Variants in KIRREL3 observed in about 807,000 individuals in gnomAD.
KIRREL3 encodes kin of IRRE-like protein 3.
In KIRREL3, 36 loss-of-function variants were observed where a neutral mutation model predicts 89.7. The observed-to-expected ratio is 0.40, with a 90% CI of 0.31 to 0.53. The LOEUF is 0.53. KIRREL3 is among the 20% of genes least tolerant of loss of function. The pLI is 0.49. For missense variants in KIRREL3, 864 were observed against 1,056.6 expected (o/e 0.82, Z 2.53); for synonymous variants, 445 against 441.4 (o/e 1.01, Z -0.10).
At chr11:126,798,233 A>C (rs1390296858) in intron 1 of KIRREL3, among the ~76,000 whole-genome samples, 2 of 146,858 alleles carry the variant, frequency 1.4e-5, no homozygotes, top group South Asian at 4.1e-4. Context: ...TCCCGGGTGC[A>C]CAGCTCCTTC....
In KIRREL3 at chr11:126,578,589, G is replaced by C. The variant is rs1207955096; in HGVS notation, c.56-15677C>G. On this transcript the variant is annotated intron_variant, in intron 1 of 16. Coordinates refer to ENST00000525144, the MANE Select transcript of KIRREL3 (RefSeq NM_032531.4). The surrounding 1 kb of genome is among the most constrained non-coding windows in gnomAD (Gnocchi z 4.9). ...ATCATGAATGTGTGACAGCATGTGG[G>C]GCACGTGGGTGAGCGTGTATGCATG... Among the ~76,000 whole-genome samples, 3 of 152,126 alleles carry C rather than the reference G, an allele frequency of 2.0e-5. No homozygotes were observed. The highest frequency in any genetic ancestry group is 4.8e-5 in the African/African-American group (2 of 41,414).
chr11:126,691,817 T>TA (rs1477656062), intron 1 of KIRREL3, among the ~76,000 whole-genome samples: 2 of 152,028 alleles, frequency 1.3e-5, no homozygotes, highest in African/African-American at 2.4e-5. Flanking sequence ...AATACAGCAA[T>TA]AAAAAATCAA....
rs1252070128 is a variant in KIRREL3, at chr11:126,564,901, C to A, written c.56-1989G>T. Among the ~76,000 whole-genome samples the A allele has an allele frequency of 6.6e-6, 1 of 152,228 alleles. No individual in the cohort carries two copies. Among genetic ancestry groups the A allele is most frequent in the African/African-American group, 2.4e-5 (1 of 41,454 alleles). On this transcript the variant is annotated intron_variant, in intron 1 of 16. Coordinates refer to ENST00000525144, the MANE Select transcript of KIRREL3 (RefSeq NM_032531.4). This position sits in a 1 kb window ranked among gnomAD's most constrained non-coding sequence, Gnocchi z 7.4. ...TGACGACAGGCAGAGTTAACCAGCC[C>A]ATTGTAATTGCACACGCATTGTTCA...
chr11:126,782,742 C>T lies in KIRREL3; in HGVS notation c.55+217713G>A, dbSNP rs1290898628. Reference sequence around the variant, plus strand: ...GACATCAGTATGAACTTATATTTAGCTTAATATAGATATAGATGTTATGTA... The same window carrying T: ...GACATCAGTATGAACTTATATTTAGTTTAATATAGATATAGATGTTATGTA... On this transcript the variant is annotated intron_variant, in intron 1 of 16. Transcript: ENST00000525144. This position sits in a 1 kb window ranked among gnomAD's most constrained non-coding sequence, Gnocchi z 4.1. 6.6e-6 allele frequency among the ~76,000 whole-genome samples: 1 copy of T among 152,028 alleles called. No homozygotes were observed. The highest frequency in any genetic ancestry group is 1.5e-5 in the Non-Finnish European group (1 of 68,022).
intron 1 of KIRREL3, among the ~76,000 whole-genome samples, chr11:126,818,681 T>C (rs1951666942): frequency 6.6e-6 from 1 of 151,962 alleles, no homozygotes. Flanking sequence ...ATTAGACTTA[T>C]CTGAAAGTTT....
rs1376529305 is a variant in KIRREL3 at position 126,486,549 on chromosome 11, G to T, written c.434-13083C>A. Reference sequence around the variant, plus strand: ...CTCCAGCTGGTTTCGACCTTAACCTGATTTGGGGTCTCTTTTGCTCAACAC... The same window carrying T: ...CTCCAGCTGGTTTCGACCTTAACCTTATTTGGGGTCTCTTTTGCTCAACAC... On this transcript the variant is annotated intron_variant, in intron 4 of 16. Transcript: ENST00000525144. This position sits in a 1 kb window ranked among gnomAD's most constrained non-coding sequence, Gnocchi z 6.2. 6.6e-6 allele frequency among the ~76,000 whole-genome samples: 1 copy of T among 152,250 alleles called. No individual in the cohort carries two copies. Among genetic ancestry groups the T allele is most frequent in the Non-Finnish European group, 1.5e-5 (1 of 68,040 alleles).
At position 126,703,373 on chromosome 11, in the gene KIRREL3, C is replaced by T. The variant is rs931478693; in HGVS notation, c.56-140461G>A. Among the ~76,000 whole-genome samples the T allele has an allele frequency of 5.3e-5, 8 of 152,240 alleles. No individual in the cohort carries two copies. Among genetic ancestry groups the T allele is most frequent in the Non-Finnish European group, 7.3e-5 (5 of 68,054 alleles). On this transcript the variant is annotated intron_variant, in intron 1 of 16. Transcript: ENST00000525144. This position sits in a 1 kb window ranked among gnomAD's most constrained non-coding sequence, Gnocchi z 4.6. ...ACTGGTGAGCAGCAAACAGAATCAT[C>T]GTCTTCATCACCATCAGCAGGAGCA...
At chr11:126,449,181 TGTG>T (rs766156678) in intron 7 of KIRREL3, 24 bp from the exon 8 acceptor site, 233 of 1,611,832 alleles carry the variant, frequency 1.4e-4, no homozygotes, top group Non-Finnish European at 1.8e-4. Context: ...CAGGGGCTGA[TGTG>T]GGCCTTGAGT....
rs1464821040 is a variant in KIRREL3 at position 126,557,502 on chromosome 11, G to C, written c.133+5333C>G. ...CATGATTCCATTTTGCACATGAGAA[G>C]GTTGAGATCTTAGTGTCTAGGGACT... On this transcript the variant is annotated intron_variant, in intron 2 of 16. Coordinates refer to ENST00000525144, the MANE Select transcript of KIRREL3 (RefSeq NM_032531.4). This position sits in a 1 kb window ranked among gnomAD's most constrained non-coding sequence, Gnocchi z 5.6. 2.0e-5 allele frequency among the ~76,000 whole-genome samples: 3 copies of C among 152,112 alleles called. No homozygotes were observed. The highest frequency in any genetic ancestry group is 4.4e-5 in the Non-Finnish European group (3 of 68,032).
chr11:126,581,335 T>C (rs1941540632), intron 1 of KIRREL3, among the ~76,000 whole-genome samples: 1 of 152,084 alleles, frequency 6.6e-6, no homozygotes, highest in African/African-American at 2.4e-5. Context: ...CCTGAGTAGC[T>C]GGGGTTACAG....
chr11:126,629,584 C>T (rs1384726648), intron 1 of KIRREL3, among the ~76,000 whole-genome samples: 1 of 152,224 alleles, frequency 6.6e-6, no homozygotes, highest in Non-Finnish European at 1.5e-5. Context: ...CATGTCCACC[C>T]TGCCCTGTGC....
Position 126,623,871 on chromosome 11 carries a change from C to T in KIRREL3, c.56-60959G>A, listed in dbSNP as rs1943672244. Among the ~76,000 whole-genome samples the T allele has an allele frequency of 1.3e-5, 2 of 152,210 alleles. No homozygotes were observed. Among genetic ancestry groups the T allele is most frequent in the Admixed American group, 6.5e-5 (1 of 15,288 alleles). ...ACCTGGCAATAAACGTTATGCCTCTCCCCAACCCCAGTCCAGAAGGGGCTG... is the reference window on the plus strand; with the variant it reads ...ACCTGGCAATAAACGTTATGCCTCTTCCCAACCCCAGTCCAGAAGGGGCTG... On this transcript the variant is annotated intron_variant, in intron 1 of 16. Coordinates refer to ENST00000525144, the MANE Select transcript of KIRREL3 (RefSeq NM_032531.4). This position sits in a 1 kb window ranked among gnomAD's most constrained non-coding sequence, Gnocchi z 4.1.
chr11:126,875,929 T>C (rs1945268571), intron 1 of KIRREL3, among the ~76,000 whole-genome samples: 1 of 152,210 alleles, frequency 6.6e-6, no homozygotes, highest in Non-Finnish European at 1.5e-5. Flanking sequence ...TGAGAGAACT[T>C]GTTCCTATAT....
chr11:126,504,399 C>G (rs1315300962), intron 4 of KIRREL3, among the ~76,000 whole-genome samples: 2 of 152,186 alleles, frequency 1.3e-5, no homozygotes, highest in African/African-American at 4.8e-5. Flanking sequence ...GAGTGATTTT[C>G]TCTTCAAATA....
rs1391272318 is a variant in KIRREL3, at chr11:126,535,203, C to T, written c.134-8516G>A. On this transcript the variant is annotated intron_variant, in intron 2 of 16. Coordinates refer to ENST00000525144, the MANE Select transcript of KIRREL3 (RefSeq NM_032531.4). This position sits in a 1 kb window ranked among gnomAD's most constrained non-coding sequence, Gnocchi z 4.5. ...TCCATCGGGACTCCTCCTGACTGCT[C>T]TTCCCAAAAGCCCCCTCTAGATTTC... Among the ~76,000 whole-genome samples the T allele has an allele frequency of 2.0e-5, 3 of 152,152 alleles. No homozygotes were observed. Among genetic ancestry groups the T allele is most frequent in the Non-Finnish European group, 4.4e-5 (3 of 68,042 alleles).
intron 1 of KIRREL3, among the ~76,000 whole-genome samples, chr11:126,706,856 A>C (rs1947548210): frequency 6.6e-6 from 1 of 151,996 alleles, no homozygotes; most frequent in Non-Finnish European, 1.5e-5. Flanking sequence ...TTTGAACTGT[A>C]AGAACTCTTA....
At chr11:126,975,517 G>A (rs1322032456) in intron 1 of KIRREL3, among the ~76,000 whole-genome samples, 2 of 152,174 alleles carry the variant, frequency 1.3e-5, no homozygotes, top group African/African-American at 4.8e-5. Flanking sequence ...CTACCCTCCA[G>A]TAGCTGCTAG....
rs1305042258 is a variant in KIRREL3 at position 126,435,315 on chromosome 11, T to C, written c.1553-12A>G. The stretch of plus-strand genomic sequence containing the variant: ...CTTCATTTCCGAACCTGTTTGGAAA[T>C]AAAGCAAGCGTCTACAGCCAGGGCC... On this transcript the variant is annotated splice_polypyrimidine_tract_variant and intron_variant, in intron 12 of 16. Coordinates refer to ENST00000525144, the MANE Select transcript of KIRREL3 (RefSeq NM_032531.4). The C allele has an allele frequency of 2.5e-6, 4 of 1,612,260 alleles. No individual in the cohort carries two copies. Among genetic ancestry groups the C allele is most frequent in the Non-Finnish European group, 3.4e-6 (4 of 1,179,210 alleles).
rs1294045952 is a variant in KIRREL3, at chr11:126,491,076, G to A, written c.434-17610C>T. Among the ~76,000 whole-genome samples, 4 of 152,208 alleles carry A rather than the reference G, an allele frequency of 2.6e-5. No homozygotes were observed. The highest frequency in any genetic ancestry group is 2.1e-4 in the South Asian group (1 of 4,834). On this transcript the variant is annotated intron_variant, in intron 4 of 16. Coordinates refer to ENST00000525144, the MANE Select transcript of KIRREL3 (RefSeq NM_032531.4). This position sits in a 1 kb window ranked among gnomAD's most constrained non-coding sequence, Gnocchi z 5.5. ...GGAAAGGGGTCCTATGTGAACAGAA[G>A]GGAGGGCTTCAGATAATCCTGAAAC...
Sources: allele counts gnomAD v4.1 joint callset (sites outside exome capture counted in the v4.1 genomes callset), GRCh38; gene constraint gnomAD v4.1.1; non-coding constraint Gnocchi (gnomAD v3.1); transcripts MANE v1.5; gene names NCBI Gene and HGNC (gene_info 2026-07-23, HGNC 2026-07-21).